Variants in GRAMD1B observed in about 807,000 individuals in gnomAD.
GRAMD1B encodes the protein GRAM domain containing 1B.
In GRAMD1B, 37 loss-of-function variants were observed where a neutral mutation model predicts 99.7. The observed-to-expected ratio is 0.37, with a 90% CI of 0.29 to 0.49. The LOEUF (loss-of-function observed/expected upper bound fraction) is 0.49. GRAMD1B is among the 20% of genes least tolerant of loss of function. The pLI, the probability that GRAMD1B is intolerant of heterozygous loss-of-function variation, is 0.98. For synonymous variants in GRAMD1B, 427 were observed against 387.6 expected (o/e 1.10, Z -1.19); for missense variants, 888 against 1,009.2 (o/e 0.88, Z 1.63).
chr11:123,565,579 C>T (rs1182125009), intron 2 of GRAMD1B, among the ~76,000 whole-genome samples: 3 of 152,202 alleles, frequency 2.0e-5, no homozygotes, highest in Non-Finnish European at 2.9e-5. Flanking sequence ...ATCGCTGAGA[C>T]TCATGGAGGA....
intron 17 of GRAMD1B, among the ~76,000 whole-genome samples, chr11:123,616,287 A>C (rs1954374235): frequency 6.6e-6 from 1 of 152,208 alleles, no homozygotes; most frequent in Admixed American, 6.5e-5. Flanking sequence ...GCGCCACTGC[A>C]CTCCAGCCTG....
intron 1 of GRAMD1B, among the ~76,000 whole-genome samples, chr11:123,460,943 G>A (rs1007904093): frequency 3.3e-5 from 5 of 152,036 alleles, no homozygotes; most frequent in Admixed American, 1.3e-4. Flanking sequence ...TCTTTCCTGG[G>A]CCGTCCAGGA....
chr11:123,379,390 C>T (rs1466230091), intron 1 of GRAMD1B, among the ~76,000 whole-genome samples: 5 of 151,936 alleles, frequency 3.3e-5, no homozygotes, highest in Admixed American at 3.3e-4. Context: ...AGAGACACTG[C>T]TTTTTGTTGA....
intron 2 of GRAMD1B, among the ~76,000 whole-genome samples, chr11:123,574,568 A>AT (rs1948509955): frequency 1.3e-5 from 2 of 152,148 alleles, no homozygotes; most frequent in South Asian, 4.1e-4. Context: ...TCAGTGACTC[A>AT]TTTTTTAGTG....
chr11:123,508,820 G>A (rs1367091819), intron 2 of GRAMD1B, among the ~76,000 whole-genome samples: 1 of 151,976 alleles, frequency 6.6e-6, no homozygotes, highest in Non-Finnish European at 1.5e-5. Flanking sequence ...CAAGTAGCTG[G>A]GACTACAGGC....
intron 2 of GRAMD1B, among the ~76,000 whole-genome samples, chr11:123,490,805 A>G (rs1002613654): frequency 6.6e-6 from 1 of 152,176 alleles, no homozygotes; most frequent in Non-Finnish European, 1.5e-5. Flanking sequence ...GTCAGATCAC[A>G]GGTGAGAAGA....
At chr11:123,586,919 GA>G (rs564362146) in intron 4 of GRAMD1B, among the ~76,000 whole-genome samples, 74 of 152,326 alleles carry the variant, frequency 4.9e-4, no homozygotes, top group African/African-American at 1.8e-3. Context: ...ACGTCCTTCA[GA>G]TAGGTAAAGG....
At chr11:123,397,459 T>G (rs1208160388) in intron 1 of GRAMD1B, among the ~76,000 whole-genome samples, 1 of 148,970 alleles carries the variant, frequency 6.7e-6, no homozygotes, top group East Asian at 1.9e-4. Flanking sequence ...GAAAAATATT[T>G]GACCCAGGCA....
intron 1 of GRAMD1B, among the ~76,000 whole-genome samples, chr11:123,421,680 A>G (rs1045144593): frequency 2.0e-5 from 3 of 152,252 alleles, no homozygotes; most frequent in Admixed American, 1.3e-4. Context: ...GAATTAATAT[A>G]TCTTCCAGAG....
chr11:123,396,281 TC>T (rs1947460253), intron 1 of GRAMD1B, among the ~76,000 whole-genome samples: 2 of 146,050 alleles, frequency 1.4e-5, no homozygotes, highest in Admixed American at 6.8e-5. Flanking sequence ...TTCTTCTTCT[TC>T]TTTTTTTTTT....
intron 3 of GRAMD1B, among the ~76,000 whole-genome samples, chr11:123,583,006 AAG>A (rs1169191836): frequency 2.6e-5 from 4 of 151,390 alleles, no homozygotes; most frequent in Non-Finnish European, 4.4e-5. Context: ...GTGCATGCGC[AAG>A]TGTGTGCGTG....
intron 10 of GRAMD1B, 134 bp downstream of exon 10, chr11:123,605,612 G>A: frequency 1.4e-6 from 1 of 706,852 alleles, no homozygotes; most frequent in Admixed American, 2.8e-5. Flanking sequence ...CTTCAAGGAG[G>A]CATTCTGGAG....
At chr11:123,578,470 A>G (rs1948976292) in intron 3 of GRAMD1B, 5 of 1,441,746 alleles carry the variant, frequency 3.5e-6, no homozygotes, top group Non-Finnish European at 4.7e-6. Context: ...TCTCCCCTCT[A>G]GTGTCGATCT....
At chr11:123,485,125 T>G (rs1951818979) in intron 2 of GRAMD1B, among the ~76,000 whole-genome samples, 1 of 152,208 alleles carries the variant, frequency 6.6e-6, no homozygotes, top group Non-Finnish European at 1.5e-5. Context: ...CTGAAAACGG[T>G]CAAGGATGAG....
intron 1 of GRAMD1B, among the ~76,000 whole-genome samples, chr11:123,422,368 A>G (rs1301433521): frequency 6.6e-6 from 1 of 152,250 alleles, no homozygotes; most frequent in African/African-American, 2.4e-5. Context: ...TTGCAGAAAG[A>G]TAAACCTCTC....
At chr11:123,406,089 T>C (rs1049894955) in intron 1 of GRAMD1B, among the ~76,000 whole-genome samples, 128 of 150,254 alleles carry the variant, frequency 8.5e-4, no homozygotes, top group African/African-American at 3.1e-3. Context: ...ATCTCAGCTC[T>C]CTGCAACCTC....
chr11:123,503,774 T>C (rs866541773), intron 2 of GRAMD1B, among the ~76,000 whole-genome samples: 126 of 152,338 alleles, frequency 8.3e-4, no homozygotes, highest in African/African-American at 2.8e-3. Flanking sequence ...CTCAAACTCC[T>C]GACCTCAGGT....
intron 2 of GRAMD1B, among the ~76,000 whole-genome samples, chr11:123,538,900 A>T (rs536947403): frequency 8.8e-4 from 132 of 150,580 alleles, no homozygotes; most frequent in Middle Eastern, 3.4e-3. Context: ...AAGTGCCGGG[A>T]TTACAGGTGT....
chr11:123,605,273 C>T (rs949163110), intron 9 of GRAMD1B, 49 bp from the exon 10 acceptor site: 1 of 1,351,548 alleles, frequency 7.4e-7, no homozygotes, highest in Non-Finnish European at 1.0e-6. Flanking sequence ...AATAGTTGGC[C>T]ATCTTGAACC....
Sources: allele counts gnomAD v4.1 joint callset (sites outside exome capture counted in the v4.1 genomes callset), GRCh38; gene constraint gnomAD v4.1.1; transcripts MANE v1.5; gene names NCBI Gene and HGNC (gene_info 2026-07-23, HGNC 2026-07-21).